The following GEMIN6 variants were observed in gnomAD, a reference collection of about 807,000 sequenced individuals.
GEMIN6 encodes gem nuclear organelle associated protein 6.
A neutral mutation model predicts 14.1 loss-of-function variants in GEMIN6; 13 were observed. The ratio of observed to expected loss-of-function variants is 0.92; its 90% confidence interval spans 0.60 to 1.46. The LOEUF is 1.46. GEMIN6 is among the 40% of genes most tolerant of loss of function. The pLI, the probability that GEMIN6 is intolerant of heterozygous loss-of-function variation, is 0.00. For synonymous variants in GEMIN6, 87 were observed against 70.0 expected (o/e 1.24, Z -1.21); for missense variants, 271 against 202.4 (o/e 1.34, Z -2.06).
At position 38,781,667 on chromosome 2, in the gene GEMIN6, A is replaced by C. The variant is rs570562947; in HGVS notation, c.279A>C (p.Ala93=). The part of the protein sequence containing the change: ...MHLFTSGDCK[A]YSPEDLEERK... Reference sequence around the variant, plus strand: ...TGTTCACGTCTGGAGACTGCAAAGCATACAGCCCAGAGGATCTGGAAGAGA... The same window carrying C: ...TGTTCACGTCTGGAGACTGCAAAGCCTACAGCCCAGAGGATCTGGAAGAGA... The change falls in exon 3 of 3, where the codon GCA becomes GCC. Residue 93 remains alanine, a synonymous_variant. Transcript: ENST00000281950. 3.1e-6 allele frequency: 5 copies of C among 1,614,234 alleles called. No homozygotes were observed. Among genetic ancestry groups the C allele is most frequent in the East Asian group, 2.2e-5 (1 of 44,888 alleles).
Position 38,781,557 on chromosome 2 carries a change from G to C in GEMIN6, c.169G>C (p.Val57Leu), listed in dbSNP as rs371408559. 5 of 1,613,796 alleles carry C rather than the reference G, an allele frequency of 3.1e-6. No individual in the cohort carries two copies. Among genetic ancestry groups the C allele is most frequent in the Non-Finnish European group, 4.2e-6 (5 of 1,179,930 alleles). The change falls in exon 3 of 3, where the codon GTG becomes CTG. Residue 57 changes from valine (V) to leucine (L), a missense_variant. By Grantham distance (32) the Val-to-Leu change is conservative. Coordinates refer to ENST00000281950, the MANE Select transcript of GEMIN6 (RefSeq NM_024775.10). Reference protein sequence around the residue: ...VNFLEDGSMSVTGIMGHAVQT... With the variant: ...VNFLEDGSMSLTGIMGHAVQT... ...CTTCCTTGAAGATGGCAGCATGTCT[G>C]TGACCGGAATTATGGGACATGCTGT... is the stretch of plus-strand genomic sequence containing the variant.
At position 38,783,797 on chromosome 2, in the gene GEMIN6, C is replaced by G. The variant is rs917635336; in HGVS notation, c.*1905C>G. On this transcript the variant is annotated 3_prime_UTR_variant, in exon 3 of 3. Coordinates refer to ENST00000281950, the MANE Select transcript of GEMIN6 (RefSeq NM_024775.10). Reference sequence around the variant, plus strand: ...ATTTAGGTTTCAGGGCCTTTGAATACAGTCTGATAACACAGCTATTTTCCT... The same window carrying G: ...ATTTAGGTTTCAGGGCCTTTGAATAGAGTCTGATAACACAGCTATTTTCCT... 6.6e-6 allele frequency: 1 copy of G among 152,162 alleles called. No homozygotes were observed. The highest frequency in any genetic ancestry group is 2.4e-5 in the African/African-American group (1 of 41,432). The allele number at this position is 152,162 out of a possible 1,614,324, so 9.4% of individuals were successfully genotyped here. A position where few individuals can be genotyped will look rare whatever the true frequency, so the allele number is the denominator to read the frequency against.
chr2:38,779,654 ATATATATATATTTTT>A (rs1229742804), intron 2 of GEMIN6, among the ~76,000 whole-genome samples: 1 of 26,402 alleles, frequency 3.8e-5, no homozygotes, highest in Non-Finnish European at 1.1e-4. Context: ...ATATATATAT[ATATATATATATTTTT>A]TTTTTTTTTT....
intron 2 of GEMIN6, among the ~76,000 whole-genome samples, chr2:38,780,556 T>A (rs1669057192): frequency 6.7e-6 from 1 of 148,532 alleles, no homozygotes; most frequent in Admixed American, 6.7e-5. Flanking sequence ...GCCAGGACGG[T>A]CTCCATTTCC....
At chr2:38,779,779 T>A (rs1237214817) in intron 2 of GEMIN6, among the ~76,000 whole-genome samples, 3 of 143,504 alleles carry the variant, frequency 2.1e-5, no homozygotes, top group Non-Finnish European at 4.5e-5. Context: ...CCTCCCAGGT[T>A]CAAGTGATTC....
At chr2:38,780,917 C>T (rs1669067366) in intron 2 of GEMIN6, among the ~76,000 whole-genome samples, 1 of 152,008 alleles carries the variant, frequency 6.6e-6, no homozygotes, top group Admixed American at 6.6e-5. Flanking sequence ...GCGTGAGCCA[C>T]CATGCCCGGC....
rs777404286 is a variant in GEMIN6 at position 38,778,267 on chromosome 2, G to C, written c.-34G>C. The C allele has an allele frequency of 1.3e-5, 2 of 152,210 alleles. No individual in the cohort carries two copies. The highest frequency in any genetic ancestry group is 4.8e-5 in the African/African-American group (2 of 41,446). The allele number at this position is 152,210 out of a possible 1,614,324, so 9.4% of individuals were successfully genotyped here. A position where few individuals can be genotyped will look rare whatever the true frequency, so the allele number is the denominator to read the frequency against. On this transcript the variant is annotated 5_prime_UTR_variant, in exon 1 of 3. Coordinates refer to ENST00000281950, the MANE Select transcript of GEMIN6 (RefSeq NM_024775.10). ...GGTTGCTGAGTACCCAGAGTTGCGAGGAGTTTTTTAACTGGTATTTTTCTC... is the reference window on the plus strand; with the variant it reads ...GGTTGCTGAGTACCCAGAGTTGCGACGAGTTTTTTAACTGGTATTTTTCTC...
At chr2:38,781,410 A>T (rs980704363) in intron 2 of GEMIN6, 107 bp from the exon 3 acceptor site, 1 of 1,126,940 alleles carries the variant, frequency 8.9e-7, no homozygotes, top group African/African-American at 1.6e-5. Context: ...AATAAATGGA[A>T]GCATTCATTG....
rs774463204 is a variant in GEMIN6 at position 38,781,540 on chromosome 2, A to G, written c.152A>G (p.Glu51Gly). ...SANIVLVNFL[E>G]DGSMSVTGIM... ...AGTATTGTCCTTGTGAACTTCCTTG[A>G]AGATGGCAGCATGTCTGTGACCGGA... The change falls in exon 3 of 3, where the codon GAA (glutamate) becomes GGA (glycine). Residue 51 changes from glutamate to glycine, a missense_variant. By Grantham distance (98) the Glu-to-Gly change is moderately conservative. Coordinates refer to ENST00000281950, the MANE Select transcript of GEMIN6 (RefSeq NM_024775.10). The G allele has an allele frequency of 3.1e-6, 5 of 1,612,704 alleles. No individual in the cohort carries two copies. In the African/African-American group the frequency reaches 4.0e-5, roughly 13 times the overall value.
At chr2:38,780,209 A>G (rs1444807103) in intron 2 of GEMIN6, among the ~76,000 whole-genome samples, 3 of 150,906 alleles carry the variant, frequency 2.0e-5, no homozygotes, top group Non-Finnish European at 4.4e-5. Context: ...AGTCCCAGCT[A>G]CTCAGGAGGC....
At position 38,783,726 on chromosome 2, in the gene GEMIN6, T is replaced by C. The variant is rs1186077861; in HGVS notation, c.*1834T>C. On this transcript the variant is annotated 3_prime_UTR_variant, in exon 3 of 3. Transcript: ENST00000281950. ...ATAGTTGTCTAATAACAAGATGGTA[T>C]AGCCCAGTGCTTCTTGCACTTTAGC... 1 of 152,206 alleles carries C rather than the reference T, an allele frequency of 6.6e-6. No individual in the cohort carries two copies. Among genetic ancestry groups the C allele is most frequent in the East Asian group, 1.9e-4 (1 of 5,194 alleles). The allele number at this position is 152,206 out of a possible 1,614,324, so 9.4% of individuals were successfully genotyped here.
chr2:38,781,178 G>C (rs1669077178), intron 2 of GEMIN6, among the ~76,000 whole-genome samples: 1 of 150,528 alleles, frequency 6.6e-6, no homozygotes, highest in African/African-American at 2.4e-5. Flanking sequence ...ATCTTGGCCA[G>C]AGGTTGGTCT....
At chr2:38,779,661 TATA>T (rs1318000615) in intron 2 of GEMIN6, among the ~76,000 whole-genome samples, 98 of 26,628 alleles carry the variant, frequency 3.7e-3, no homozygotes, top group South Asian at 8.4e-3. Context: ...TATATATATA[TATA>T]TTTTTTTTTT....
At position 38,779,134 on chromosome 2, in the gene GEMIN6, A is replaced by G. The variant is rs771466232; in HGVS notation, c.128+16A>G. ...TCTCTGCCAAGTGAGTATGCATCCT[A>G]CTTGCCTGAAATCTTGACACCCCTT... On this transcript the variant is annotated intron_variant, in intron 2 of 2. Coordinates refer to ENST00000281950, the MANE Select transcript of GEMIN6 (RefSeq NM_024775.10). The G allele has an allele frequency of 1.2e-6, 2 of 1,603,330 alleles. No homozygotes were observed. The highest frequency in any genetic ancestry group is 4.5e-5 in the East Asian group (2 of 44,532).
In GEMIN6 at chr2:38,781,768, T is replaced by A; in HGVS notation, c.380T>A (p.Leu127His). 6.2e-7 allele frequency: 1 copy of A among 1,614,138 alleles called. No homozygotes were observed. Among genetic ancestry groups the A allele is most frequent in the South Asian group, 1.1e-5 (1 of 91,086 alleles). ...ITEQGDAPRT[L>H]CVAGVLTIDP... ...GAACAGGGAGACGCTCCAAGGACTC[T>A]CTGTGTGGCTGGGGTCCTGACTATA... The change falls in exon 3 of 3, where the codon CTC becomes CAC. Residue 127 changes from leucine (L) to histidine (H), a missense_variant. Physicochemically the swap from Leu to His is moderately conservative, Grantham distance 99. Coordinates refer to ENST00000281950, the MANE Select transcript of GEMIN6 (RefSeq NM_024775.10).
chr2:38,781,897 C>T lies in GEMIN6; in HGVS notation c.*5C>T, dbSNP rs748900744. On this transcript the variant is annotated 3_prime_UTR_variant, in exon 3 of 3. Coordinates refer to ENST00000281950, the MANE Select transcript of GEMIN6 (RefSeq NM_024775.10). The stretch of plus-strand genomic sequence containing the variant: ...CATCTTACAGCTTCCCAATGAGAGG[C>T]CAGGAAGTGTGAACATACTGATAGA... The T allele has an allele frequency of 1.3e-6, 2 of 1,594,900 alleles. No individual in the cohort carries two copies. Among genetic ancestry groups the T allele is most frequent in the Non-Finnish European group, 1.7e-6 (2 of 1,170,330 alleles).
In GEMIN6 at chr2:38,781,749, G is replaced by A; in HGVS notation, c.361G>A (p.Gly121Arg). Residue 121 changes from glycine (G) to arginine (R), a missense_variant, in exon 3 of 3, where the codon GGA becomes AGA. By Grantham distance (125) the Gly-to-Arg change is moderately radical (BLOSUM62 -2). Coordinates refer to ENST00000281950, the MANE Select transcript of GEMIN6 (RefSeq NM_024775.10). ...GAACCACATCCCCATCACTGAACAGGGAGACGCTCCAAGGACTCTCTGTGT... is the reference window on the plus strand; with the variant it reads ...GAACCACATCCCCATCACTGAACAGAGAGACGCTCCAAGGACTCTCTGTGT... ...EKNHIPITEQ[G>R]DAPRTLCVAG... 1.2e-6 allele frequency: 2 copies of A among 1,614,066 alleles called. No homozygotes were observed. The highest frequency in any genetic ancestry group is 1.7e-6 in the Non-Finnish European group (2 of 1,180,022).
At chr2:38,778,892 C>A in intron 1 of GEMIN6, 80 bp from the exon 2 acceptor site, 2 of 1,261,436 alleles carry the variant, frequency 1.6e-6, no homozygotes, top group Non-Finnish European at 2.2e-6. Context: ...TGTTCTCTGT[C>A]TCTAGGATAG....
rs576849132 is a variant in GEMIN6 at position 38,784,121 on chromosome 2, C to T, written c.*2229C>T. 1 of 152,308 alleles carries T rather than the reference C, an allele frequency of 6.6e-6. No individual in the cohort carries two copies. Among genetic ancestry groups the T allele is most frequent in the African/African-American group, 2.4e-5 (1 of 41,566 alleles). 9.4% of individuals were successfully genotyped at this position (152,308 alleles called of 1,614,324 possible). Reference sequence around the variant, plus strand: ...GAAAGCAAAATTTAGCACACATCACCTTTCTCCTAGTGGCTAAGACTCTCC... The same window carrying T: ...GAAAGCAAAATTTAGCACACATCACTTTTCTCCTAGTGGCTAAGACTCTCC... On this transcript the variant is annotated 3_prime_UTR_variant, in exon 3 of 3. Coordinates refer to ENST00000281950, the MANE Select transcript of GEMIN6 (RefSeq NM_024775.10).
Sources: allele counts gnomAD v4.1 joint callset (sites outside exome capture counted in the v4.1 genomes callset), GRCh38; gene constraint gnomAD v4.1.1; transcripts MANE v1.5; gene names NCBI Gene and HGNC (gene_info 2026-07-23, HGNC 2026-07-21).